SAP30BP: variants seen among roughly 807,000 people sequenced by gnomAD.
SAP30BP encodes SAP30-binding protein.
Under a neutral mutation model 46.3 loss-of-function variants are expected in SAP30BP, and 31 were observed. The observed-to-expected ratio is 0.67, with a 90% CI of 0.50 to 0.90. The LOEUF is 0.90. Among genes scored for constraint, SAP30BP ranks in the 40% least tolerant of loss-of-function variants. The pLI, the probability that SAP30BP is intolerant of heterozygous loss-of-function variation, is 0.00. For synonymous variants in SAP30BP, 169 were observed against 144.2 expected, an observed-to-expected ratio of 1.17 and a Z score of -1.23; for missense variants, 312 against 391.0, an observed-to-expected ratio of 0.80 and a Z score of 1.70.
intron 9 of SAP30BP, chr17:75,705,248 A>G (rs1002757894): frequency 1.0e-5 from 2 of 196,652 alleles, no homozygotes; most frequent in African/African-American, 4.7e-5. Context: ...GGCCCTGAGC[A>G]CCACTTGTTC....
intron 1 of SAP30BP, 98 bp from the exon 2 acceptor site, chr17:75,668,418 T>G: frequency 2.9e-6 from 2 of 681,670 alleles, no homozygotes; most frequent in South Asian, 4.3e-5. Context: ...TCAGAGATAG[T>G]CTTGGCCACT....
At chr17:75,698,339 A>G (rs2148413813) in intron 4 of SAP30BP, among the ~76,000 whole-genome samples, 1 of 152,358 alleles carries the variant, frequency 6.6e-6, no homozygotes, top group South Asian at 2.1e-4. Context: ...GATAATGGTA[A>G]AAAGTATCAT....
chr17:75,670,841 G>A (rs2059897314), intron 2 of SAP30BP, among the ~76,000 whole-genome samples: 1 of 152,188 alleles, frequency 6.6e-6, no homozygotes, highest in Non-Finnish European at 1.5e-5. Flanking sequence ...AATATATGGA[G>A]TGCTGTGTAA....
intron 6 of SAP30BP, 173 bp from the exon 7 acceptor site, chr17:75,703,138 C>T (rs2060439836): frequency 3.2e-6 from 2 of 617,524 alleles, no homozygotes; most frequent in Non-Finnish European, 5.8e-6. Flanking sequence ...CGGCCCCTAG[C>T]TAACAGGTCC....
chr17:75,703,235 C>A, intron 6 of SAP30BP, 76 bp from the exon 7 acceptor site: 4 of 1,393,350 alleles, frequency 2.9e-6, no homozygotes, highest in Non-Finnish European at 3.1e-6. Flanking sequence ...TTGTGTCAGC[C>A]CCAGGAGCTG....
At chr17:75,688,608 T>C (rs2060196493) in intron 3 of SAP30BP, among the ~76,000 whole-genome samples, 1 of 152,136 alleles carries the variant, frequency 6.6e-6, no homozygotes, top group South Asian at 2.1e-4. Flanking sequence ...TGGGGCCGGT[T>C]CCAGGAAGGA....
chr17:75,682,840 G>A (rs908330429), intron 3 of SAP30BP, among the ~76,000 whole-genome samples: 1 of 151,136 alleles, frequency 6.6e-6, no homozygotes, highest in Non-Finnish European at 1.5e-5. Context: ...GCACGTGCCT[G>A]TAATCCCAGC....
At chr17:75,685,394 G>A (rs756044137) in intron 3 of SAP30BP, among the ~76,000 whole-genome samples, 1 of 152,120 alleles carries the variant, frequency 6.6e-6, no homozygotes, top group Non-Finnish European at 1.5e-5. Context: ...TCCTAACTTT[G>A]GAGTTAGGTA....
In SAP30BP at chr17:75,671,871, G is replaced by A. The variant is rs766395153; in HGVS notation, c.264+8G>A. The A allele has an allele frequency of 1.2e-6, 2 of 1,612,244 alleles. No individual in the cohort carries two copies. The highest frequency in any genetic ancestry group is 1.7e-6 in the Non-Finnish European group (2 of 1,178,284). ...GAGGCTGATGACCCAAAGGTATTTG[G>A]TGTTGGCTGTGGTGGGTGGCTGGAT... On this transcript the variant is annotated splice_region_variant and intron_variant, in intron 3 of 10. Coordinates refer to ENST00000584667, the MANE Select transcript of SAP30BP (RefSeq NM_013260.8).
At chr17:75,676,961 T>A (rs2148378982) in intron 3 of SAP30BP, among the ~76,000 whole-genome samples, 1 of 152,222 alleles carries the variant, frequency 6.6e-6, no homozygotes, top group East Asian at 1.9e-4. Flanking sequence ...TATGTGTGCT[T>A]TTCCCTGAGA....
intron 3 of SAP30BP, among the ~76,000 whole-genome samples, chr17:75,688,526 A>G (rs549158293): frequency 6.7e-6 from 1 of 149,462 alleles, no homozygotes; most frequent in South Asian, 2.1e-4. Context: ...AGAAAACATG[A>G]CGTTTAGATT....
chr17:75,705,703 A>C, intron 9 of SAP30BP: 1 of 1,144,022 alleles, frequency 8.7e-7, no homozygotes, highest in African/African-American at 1.6e-5. Context: ...TGTGAGGAGG[A>C]GGGGCCTGGC....
Position 75,707,169 on chromosome 17 carries a change from G to C in SAP30BP, c.*648G>C, listed in dbSNP as rs1410383809. The C allele has an allele frequency of 6.5e-6, 1 of 153,076 alleles. No homozygotes were observed. The highest frequency in any genetic ancestry group is 2.1e-4 in the South Asian group (1 of 4,852). The allele number at this position is 153,076 out of a possible 1,614,324, so 9.5% of individuals were successfully genotyped here. On this transcript the variant is annotated 3_prime_UTR_variant, in exon 11 of 11. Transcript: ENST00000584667. ...GGGGTGAGATCCTGACCTGTGCAGA[G>C]AGTGGGGAGGCGTCAGCGCCTGGCC...
rs989380429 is a variant in SAP30BP at position 75,669,755 on chromosome 17, A to G, written c.216+1130A>G. Among the ~76,000 whole-genome samples, 3 of 152,130 alleles carry G rather than the reference A, an allele frequency of 2.0e-5. No individual in the cohort carries two copies. The South Asian group carries it at 6.2e-4, about 31-fold the overall frequency. ...ATAATGGTGCCCTTAGTTCTTGATC[A>G]CAAATCTTGCCTGAAGTTCAGTAGG... On this transcript the variant is annotated intron_variant, in intron 2 of 10. Coordinates refer to ENST00000584667, the MANE Select transcript of SAP30BP (RefSeq NM_013260.8).
Position 75,681,705 on chromosome 17 carries a change from G to A in SAP30BP, c.264+9842G>A, listed in dbSNP as rs547338131. ...TTTATTGAACACAGACCCAGAACAC[G>A]GGCAGCTTCTGCAGGATTGCTGCAG... On this transcript the variant is annotated intron_variant, in intron 3 of 10. Transcript: ENST00000584667. Among the ~76,000 whole-genome samples the A allele has an allele frequency of 5.3e-5, 8 of 152,258 alleles. No homozygotes were observed. The South Asian group carries it at 1.7e-3, about 32-fold the overall frequency.
At chr17:75,672,027 A>G (rs820129) in intron 3 of SAP30BP, 164 bp downstream of exon 3, 253,005 of 639,818 alleles carry the variant, frequency 0.4, 52,549 homozygotes, top group East Asian at 0.57. Flanking sequence ...ACCTGGAGAC[A>G]ACTCAGGAAT....
intron 3 of SAP30BP, among the ~76,000 whole-genome samples, chr17:75,676,759 A>G (rs940653192): frequency 6.6e-6 from 1 of 152,234 alleles, no homozygotes; most frequent in African/African-American, 2.4e-5. Flanking sequence ...GAGAGTTCAC[A>G]TTCGCATAGC....
At chr17:75,671,749 G>A in intron 2 of SAP30BP, 67 bp from the exon 3 acceptor site, 1 of 1,250,344 alleles carries the variant, frequency 8.0e-7, no homozygotes, top group Non-Finnish European at 1.2e-6. Flanking sequence ...CCGGCCCCTA[G>A]TTATGCATGT....
rs2060472050 is a variant in SAP30BP at position 75,704,931 on chromosome 17, G to A, written c.660+117G>A. 6.3e-6 allele frequency: 5 copies of A among 796,096 alleles called. No individual in the cohort carries two copies. In the South Asian group the frequency reaches 7.1e-5, roughly 11 times the overall value. The allele number at this position is 796,096 out of a possible 1,614,324, so 49.3% of individuals were successfully genotyped here. On this transcript the variant is annotated intron_variant, in intron 9 of 10. Transcript: ENST00000584667. ...AACCCTGGCCCCGTGTCATCACCCG[G>A]CGATGCTCTGAGCCTCTCAGCAGGG...
Sources: allele counts gnomAD v4.1 joint callset (sites outside exome capture counted in the v4.1 genomes callset), GRCh38; gene constraint gnomAD v4.1.1; transcripts MANE v1.5; gene names NCBI Gene and HGNC (gene_info 2026-07-23, HGNC 2026-07-21).